Variants in PPARGC1B observed in about 807,000 individuals in gnomAD.
The protein encoded by PPARGC1B is PPARG coactivator 1 beta.
A neutral mutation model predicts 101.6 loss-of-function variants in PPARGC1B; 34 were observed. That is an observed-to-expected ratio of 0.33 (90% confidence interval 0.25 to 0.45). PPARGC1B has a LOEUF of 0.45. Among genes scored for constraint, PPARGC1B ranks in the 20% least tolerant of loss-of-function variants. PPARGC1B has a pLI of 1.00. For synonymous variants in PPARGC1B, 548 were observed against 539.3 expected (o/e 1.02, Z -0.22); for missense variants, 1,234 against 1,317.6 (o/e 0.94, Z 0.98).
At chr5:149,753,808 C>T (rs1216323224) in intron 1 of PPARGC1B, among the ~76,000 whole-genome samples, 1 of 152,086 alleles carries the variant, frequency 6.6e-6, no homozygotes, top group Non-Finnish European at 1.5e-5. Flanking sequence ...ATTCTCCTGC[C>T]TCAGCCTCCT....
intron 1 of PPARGC1B, among the ~76,000 whole-genome samples, chr5:149,787,496 C>T (rs1379898197): frequency 1.3e-5 from 2 of 152,222 alleles, no homozygotes; most frequent in Non-Finnish European, 2.9e-5. Flanking sequence ...AAATTACCTA[C>T]CATACCTTTT....
intron 1 of PPARGC1B, among the ~76,000 whole-genome samples, chr5:149,767,394 G>A (rs1349646673): frequency 2.6e-5 from 4 of 152,220 alleles, no homozygotes; most frequent in African/African-American, 4.8e-5. Context: ...ACTCCCAGGG[G>A]AAGAGCCTTC....
At chr5:149,742,256 C>T (rs1205450887) in intron 1 of PPARGC1B, among the ~76,000 whole-genome samples, 1 of 152,170 alleles carries the variant, frequency 6.6e-6, no homozygotes, top group African/African-American at 2.4e-5. Context: ...ATGGGGGCCC[C>T]GCCATGAAGT....
At chr5:149,817,148 C>A (rs1758090643) in intron 1 of PPARGC1B, among the ~76,000 whole-genome samples, 1 of 152,182 alleles carries the variant, frequency 6.6e-6, no homozygotes, top group Admixed American at 6.5e-5. Flanking sequence ...CTCTTCCCAC[C>A]TCTTCCACTA....
At chr5:149,777,252 G>A (rs563771632) in intron 1 of PPARGC1B, among the ~76,000 whole-genome samples, 7 of 152,152 alleles carry the variant, frequency 4.6e-5, no homozygotes, top group African/African-American at 1.2e-4. Flanking sequence ...CACATAGACC[G>A]ACAAAGACCC....
chr5:149,764,995 G>A (rs1441345928), intron 1 of PPARGC1B, among the ~76,000 whole-genome samples: 1 of 151,918 alleles, frequency 6.6e-6, no homozygotes, highest in Non-Finnish European at 1.5e-5. Context: ...CAAGAATAGT[G>A]CAGAGAAAGA....
rs201199077 is a variant in PPARGC1B at position 149,835,602 on chromosome 5, A to G, written c.1807+237A>G. ...TGAACCAGCATTACAGGCGTGAGCC[A>G]CCGCACCCAGCCCAGGTGGGCAGTT... On this transcript the variant is annotated intron_variant, in intron 7 of 11. Transcript: ENST00000309241. Among the ~76,000 whole-genome samples, 66 of 152,372 alleles carry G rather than the reference A, an allele frequency of 4.3e-4. 1 individual carries two copies. In the East Asian group the frequency reaches 9.2e-3, roughly 21 times the overall value.
In PPARGC1B at chr5:149,842,126, C is replaced by T. The variant is rs1355396273; in HGVS notation, c.2695-130C>T. 2.5e-6 allele frequency: 3 copies of T among 1,188,776 alleles called. No individual in the cohort carries two copies. The African/African-American group carries it at 4.6e-5, about 18-fold the overall frequency. 73.6% of individuals were successfully genotyped at this position (1,188,776 alleles called of 1,614,324 possible). ...GAGATTGGCATTGTCCTCTCTCTGACTCCAGCCGGTATTGCTCACTCAGCC... is the reference window on the plus strand; with the variant it reads ...GAGATTGGCATTGTCCTCTCTCTGATTCCAGCCGGTATTGCTCACTCAGCC... On this transcript the variant is annotated intron_variant, in intron 9 of 11. Transcript: ENST00000309241.
At chr5:149,738,668 T>G (rs1273597662) in intron 1 of PPARGC1B, among the ~76,000 whole-genome samples, 1 of 151,854 alleles carries the variant, frequency 6.6e-6, no homozygotes, top group Non-Finnish European at 1.5e-5. Context: ...AGTGGTGCAA[T>G]CTCGGCTCAC....
intron 2 of PPARGC1B, among the ~76,000 whole-genome samples, chr5:149,822,261 G>T (rs748684721): frequency 3.3e-5 from 5 of 152,076 alleles, no homozygotes; most frequent in Admixed American, 6.5e-5. Flanking sequence ...TCAGAAAATG[G>T]CCAGACCCAC....
intron 1 of PPARGC1B, among the ~76,000 whole-genome samples, chr5:149,774,335 C>T (rs1320694582): frequency 6.6e-6 from 1 of 152,150 alleles, no homozygotes; most frequent in Non-Finnish European, 1.5e-5. Context: ...GCTCCGGTTT[C>T]CTCACCTGCA....
chr5:149,731,747 G>A (rs1405527292), intron 1 of PPARGC1B, among the ~76,000 whole-genome samples: 2 of 152,338 alleles, frequency 1.3e-5, no homozygotes, highest in African/African-American at 4.8e-5. Flanking sequence ...GACTCCTTGC[G>A]GTGAAACGCG....
At position 149,849,815 on chromosome 5, in the gene PPARGC1B, C is replaced by A. The variant is rs1011851946; in HGVS notation, c.*2257C>A. On this transcript the variant is annotated 3_prime_UTR_variant, in exon 12 of 12. Transcript: ENST00000309241. ...TGCAGAGGGTGCAGGGGGCGGTAGA[C>A]GAATGACAGACAGGAACATATTTGG... The A allele has an allele frequency of 6.6e-6, 1 of 152,162 alleles. No homozygotes were observed. Among genetic ancestry groups the A allele is most frequent in the African/African-American group, 2.4e-5 (1 of 41,414 alleles). 9.4% of individuals were successfully genotyped at this position (152,162 alleles called of 1,614,324 possible).
At chr5:149,799,233 C>G (rs1757339900) in intron 1 of PPARGC1B, among the ~76,000 whole-genome samples, 1 of 152,182 alleles carries the variant, frequency 6.6e-6, no homozygotes, top group Admixed American at 6.5e-5. Context: ...GGTTTGGTGA[C>G]CTCAGGGCCC....
At chr5:149,803,895 C>T (rs1231472403) in intron 1 of PPARGC1B, among the ~76,000 whole-genome samples, 2 of 152,264 alleles carry the variant, frequency 1.3e-5, no homozygotes, top group African/African-American at 2.4e-5. Context: ...AGGACCTGAG[C>T]GAGTGGTGGT....
chr5:149,817,604 C>A, intron 1 of PPARGC1B: 1 of 396,616 alleles, frequency 2.5e-6, no homozygotes, highest in Non-Finnish European at 5.1e-6. Context: ...GTTTTCTTCC[C>A]TCACTAAGAT....
In PPARGC1B at chr5:149,833,523, C is replaced by T. The variant is rs374864452; in HGVS notation, c.1450C>T (p.Pro484Ser). The change falls in exon 5 of 12, where the codon CCT becomes TCT. Residue 484 changes from proline (P) to serine (S), a missense_variant. By Grantham distance (74) the Pro-to-Ser change is moderately conservative. Around this residue, in one of 3 missense-constraint regions of PPARGC1B, gnomAD observed 734 missense variants for 768.4 expected, o/e 0.96. Transcript: ENST00000309241. The surrounding 1 kb of genome is among the most constrained non-coding windows in gnomAD (Gnocchi z 4.1). ...CPVRRSRRLN[P>S]ELGPWLTFAD... ...CGTGCGGCGTTCTCGGAGACTGAAC[C>T]CTGAGCTGGGCCCCTGGCTGACATT... is the stretch of plus-strand genomic sequence containing the variant. 3 of 1,569,482 alleles carry T rather than the reference C, an allele frequency of 1.9e-6. No homozygotes were observed. Among genetic ancestry groups the T allele is most frequent in the Non-Finnish European group, 2.6e-6 (3 of 1,157,240 alleles).
At chr5:149,812,766 A>G (rs542803551) in intron 1 of PPARGC1B, among the ~76,000 whole-genome samples, 1 of 152,276 alleles carries the variant, frequency 6.6e-6, no homozygotes, top group South Asian at 2.1e-4. Context: ...GTTTCCTGGT[A>G]TTTGCCATGA....
At chr5:149,815,099 C>T (rs941566657) in intron 1 of PPARGC1B, among the ~76,000 whole-genome samples, 3 of 152,202 alleles carry the variant, frequency 2.0e-5, no homozygotes, top group Non-Finnish European at 4.4e-5. Context: ...GAATGAGGAT[C>T]CTGGCTTCAC....
Sources: gnomAD v4.1 joint callset for allele counts (sites outside exome capture counted in the v4.1 genomes callset) on GRCh38, gnomAD v4.1.1 for gene constraint, gnomAD v4.1.1 regional missense constraint, Gnocchi (gnomAD v3.1) non-coding constraint, MANE v1.5 for transcripts, NCBI Gene and HGNC (gene_info 2026-07-23, HGNC 2026-07-21) for gene names.